EPS15: variants seen among roughly 807,000 people sequenced by gnomAD.
EPS15 encodes epidermal growth factor receptor pathway substrate 15.
In EPS15, 72 loss-of-function variants were observed where a neutral mutation model predicts 113.8. That is an observed-to-expected ratio of 0.63 (90% CI 0.52 to 0.77). The LOEUF is 0.77. Ranked by LOEUF, EPS15 falls within the 30% of genes least tolerant of loss-of-function variation. The pLI is 0.00. For missense variants in EPS15, 1,048 were observed against 1,045.8 expected (o/e 1.00, Z -0.03); for synonymous variants, 344 against 363.4 (o/e 0.95, Z 0.61).
At position 51,354,807 on chromosome 1, in the gene EPS15, G is replaced by C. The variant is rs1378109446; in HGVS notation, c.*1893C>G. 5.1e-6 allele frequency: 1 copy of C among 196,888 alleles called. No individual in the cohort carries two copies. Among genetic ancestry groups the C allele is most frequent in the African/African-American group, 2.3e-5 (1 of 43,284 alleles). 12.2% of individuals were successfully genotyped at this position (196,888 alleles called of 1,614,324 possible). On this transcript the variant is annotated 3_prime_UTR_variant, in exon 25 of 25. Transcript: ENST00000371733. Reference sequence around the variant, plus strand: ...TCCAGTTAAACATACATAAGATTAGGATACATTTATTACATTGAAAGTTGG... The same window carrying C: ...TCCAGTTAAACATACATAAGATTAGCATACATTTATTACATTGAAAGTTGG...
At chr1:51,471,590 TA>T in intron 4 of EPS15, 99 bp downstream of exon 4, 1 of 957,098 alleles carries the variant, frequency 1.0e-6, no homozygotes, top group Non-Finnish European at 1.7e-6. Flanking sequence ...CTAATGTTGG[TA>T]AAAACCAATT....
intron 21 of EPS15, among the ~76,000 whole-genome samples, chr1:51,373,923 C>G (rs1646723081): frequency 6.6e-6 from 1 of 152,068 alleles, no homozygotes; most frequent in South Asian, 2.1e-4. Context: ...TGCACTCCAG[C>G]CTGGGTGAAC....
At chr1:51,406,919 A>T (rs945019237) in intron 15 of EPS15, among the ~76,000 whole-genome samples, 2 of 152,214 alleles carry the variant, frequency 1.3e-5, no homozygotes, top group African/African-American at 4.8e-5. Context: ...AAAATACCAT[A>T]AAGAAATAAG....
At chr1:51,361,420 T>C in intron 23 of EPS15, 65 bp from the exon 24 acceptor site, 2 of 1,226,088 alleles carry the variant, frequency 1.6e-6, no homozygotes, top group Non-Finnish European at 2.4e-6. Context: ...CACAAGAACA[T>C]GTACACAGAT....
intron 21 of EPS15, among the ~76,000 whole-genome samples, chr1:51,377,009 T>G (rs1646816160): frequency 6.6e-6 from 1 of 152,064 alleles, no homozygotes; most frequent in Non-Finnish European, 1.5e-5. Flanking sequence ...CTCACGCTTG[T>G]AATCCCAGCA....
Position 51,402,452 on chromosome 1 carries a change from G to T in EPS15, c.1865C>A (p.Ser622Tyr). The T allele has an allele frequency of 6.3e-7, 1 of 1,578,362 alleles. No individual in the cohort carries two copies. Among genetic ancestry groups the T allele is most frequent in the Non-Finnish European group, 8.7e-7 (1 of 1,155,480 alleles). Residue 622 changes from serine to tyrosine, a missense_variant, in exon 18 of 25, where the codon TCT (serine) becomes TAT (tyrosine). Transcript: ENST00000371733. ...GTACTTACTGCCAACAAAAGGATCAGACTGGAAAAAATCCAAGTTTGTATC... is the reference window on the plus strand; with the variant it reads ...GTACTTACTGCCAACAAAAGGATCATACTGGAAAAAATCCAAGTTTGTATC... ...VADTNLDFFQ[S>Y]DPFVGSDPFK...
intron 21 of EPS15, among the ~76,000 whole-genome samples, chr1:51,388,254 G>C (rs895893253): frequency 1.4e-4 from 21 of 152,160 alleles, no homozygotes; most frequent in Non-Finnish European, 2.9e-4. Context: ...CAGAAATAAA[G>C]ATCTTCTTTG....
chr1:51,408,750 C>T (rs1188735350), intron 14 of EPS15, among the ~76,000 whole-genome samples: 3 of 151,076 alleles, frequency 2.0e-5, no homozygotes, highest in Non-Finnish European at 4.4e-5. Context: ...ACCTCAGCCT[C>T]TCGAGTAGGT....
chr1:51,487,196 G>A (rs140728288), intron 1 of EPS15, among the ~76,000 whole-genome samples: 1 of 151,950 alleles, frequency 6.6e-6, no homozygotes, highest in Non-Finnish European at 1.5e-5. Context: ...AAACCAGATG[G>A]AAAATCATAT....
At chr1:51,425,993 T>C (rs1175080614) in intron 12 of EPS15, among the ~76,000 whole-genome samples, 2 of 152,170 alleles carry the variant, frequency 1.3e-5, no homozygotes, top group Non-Finnish European at 2.9e-5. Context: ...CAAAATCTTA[T>C]CTCAATATCA....
intron 21 of EPS15, among the ~76,000 whole-genome samples, chr1:51,378,656 T>G (rs1276373189): frequency 1.3e-5 from 2 of 152,200 alleles, no homozygotes; most frequent in Non-Finnish European, 2.9e-5. Flanking sequence ...TTTGTTAAAA[T>G]TTGGATAATA....
At chr1:51,491,582 T>C (rs1330681247) in intron 1 of EPS15, among the ~76,000 whole-genome samples, 1 of 152,126 alleles carries the variant, frequency 6.6e-6, no homozygotes, top group East Asian at 1.9e-4. Flanking sequence ...GGAGCAATAG[T>C]GATTAACAGC....
intron 21 of EPS15, among the ~76,000 whole-genome samples, chr1:51,369,008 A>C (rs1252174888): frequency 6.6e-6 from 1 of 150,534 alleles, no homozygotes; most frequent in African/African-American, 2.4e-5. Context: ...TGTGGGACTG[A>C]AAATTTGCTT....
At chr1:51,479,086 A>T (rs1305944110) in intron 2 of EPS15, among the ~76,000 whole-genome samples, 2 of 152,170 alleles carry the variant, frequency 1.3e-5, no homozygotes, top group East Asian at 3.8e-4. Flanking sequence ...CATCACTTTC[A>T]GGTACACCAA....
chr1:51,465,273 T>A lies in EPS15; in HGVS notation c.363A>T (p.Pro121=). The change falls in exon 6 of 25, where the codon CCA becomes CCT. Residue 121 remains proline (P), a synonymous_variant. Coordinates refer to ENST00000371733, the MANE Select transcript of EPS15 (RefSeq NM_001981.3). ...LISGTSAAEL[P]WAVKPEDKAK... ...AAAGTTTACTTACTTTTACAGCCCA[T>A]GGGAGCTCAGCTGCAGAGGTTCCAC... 6.2e-7 allele frequency: 1 copy of A among 1,608,668 alleles called. No individual in the cohort carries two copies. Among genetic ancestry groups the A allele is most frequent in the Non-Finnish European group, 8.5e-7 (1 of 1,176,114 alleles).
intron 16 of EPS15, among the ~76,000 whole-genome samples, chr1:51,404,763 T>C (rs956087497): frequency 6.6e-6 from 1 of 152,224 alleles, no homozygotes; most frequent in Non-Finnish European, 1.5e-5. Context: ...TTTATCCAGG[T>C]GCACATGACA....
intron 21 of EPS15, among the ~76,000 whole-genome samples, chr1:51,390,947 A>C (rs1052486642): frequency 2.0e-5 from 3 of 152,254 alleles, no homozygotes; most frequent in Non-Finnish European, 2.9e-5. Context: ...CATTTGACCC[A>C]GCCATCCCAT....
chr1:51,375,158 C>T (rs113717330), intron 21 of EPS15, among the ~76,000 whole-genome samples: 8 of 151,706 alleles, frequency 5.3e-5, no homozygotes, highest in African/African-American at 1.5e-4. Context: ...CCCGCCACCA[C>T]GCCCGGCTAA....
intron 21 of EPS15, among the ~76,000 whole-genome samples, chr1:51,385,355 G>A (rs1432350428): frequency 6.6e-6 from 1 of 152,080 alleles, no homozygotes; most frequent in Non-Finnish European, 1.5e-5. Flanking sequence ...ACAAATCAAA[G>A]CAATAAGATA....
Sources: gnomAD v4.1 joint callset for allele counts (sites outside exome capture counted in the v4.1 genomes callset) on GRCh38, gnomAD v4.1.1 for gene constraint, MANE v1.5 for transcripts, NCBI Gene and HGNC (gene_info 2026-07-23, HGNC 2026-07-21) for gene names.